Variants in CWC27 observed in about 807,000 individuals in gnomAD.
The protein encoded by CWC27 is spliceosome-associated protein CWC27 homolog.
CWC27 carries 47 observed loss-of-function variants against 63.6 expected under a neutral mutation model. That is an observed-to-expected ratio of 0.74 (90% CI 0.58 to 0.94). The LOEUF is 0.94. Among genes scored for constraint, CWC27 ranks in the 40% least tolerant of loss-of-function variants. The probability of loss-of-function intolerance (pLI) is 0.00; values close to 1 mark genes in which losing one functional copy is unlikely to be tolerated. For missense variants in CWC27, 495 were observed against 554.3 expected (o/e 0.89, Z 1.07); for synonymous variants, 175 against 179.8 (o/e 0.97, Z 0.22).
At chr5:64,978,814 A>C (rs1462145536) in intron 13 of CWC27, among the ~76,000 whole-genome samples, 1 of 152,152 alleles carries the variant, frequency 6.6e-6, no homozygotes, top group Non-Finnish European at 1.5e-5. Context: ...TTGTAAGAGC[A>C]GTTTGATGCC....
At chr5:64,865,133 A>C (rs1436030779) in intron 10 of CWC27, among the ~76,000 whole-genome samples, 5 of 152,112 alleles carry the variant, frequency 3.3e-5, no homozygotes, top group Non-Finnish European at 7.4e-5. Context: ...TAAAAAAAAA[A>C]AAACTTGGGG....
chr5:64,826,116 C>T (rs201494144), intron 10 of CWC27, among the ~76,000 whole-genome samples: 27 of 56,722 alleles, frequency 4.8e-4, no homozygotes, highest in South Asian at 4.4e-3. Flanking sequence ...TCTATCTATC[C>T]ATCCATCAAT....
At chr5:65,004,914 A>T (rs1749813474) in intron 13 of CWC27, among the ~76,000 whole-genome samples, 1 of 108,146 alleles carries the variant, frequency 9.2e-6, no homozygotes, top group African/African-American at 3.1e-5. Flanking sequence ...ATACATACAC[A>T]CACACACACA....
At chr5:64,913,354 T>C (rs2112381296) in intron 11 of CWC27, among the ~76,000 whole-genome samples, 1 of 152,170 alleles carries the variant, frequency 6.6e-6, no homozygotes, top group East Asian at 1.9e-4. Flanking sequence ...ATTATATTCA[T>C]AATGATTTAC....
At chr5:64,867,114 A>T (rs1003474625) in intron 10 of CWC27, among the ~76,000 whole-genome samples, 2 of 152,098 alleles carry the variant, frequency 1.3e-5, no homozygotes, top group Non-Finnish European at 2.9e-5. Flanking sequence ...AGATTTGTTC[A>T]AACTCCCAAC....
At chr5:64,882,566 A>G (rs1298772831) in intron 10 of CWC27, among the ~76,000 whole-genome samples, 3 of 152,086 alleles carry the variant, frequency 2.0e-5, no homozygotes, top group Non-Finnish European at 4.4e-5. Flanking sequence ...TAAGTATGTA[A>G]AAATTAATGT....
chr5:64,951,120 G>A (rs1268496986), intron 11 of CWC27, among the ~76,000 whole-genome samples: 1 of 151,734 alleles, frequency 6.6e-6, no homozygotes, highest in African/African-American at 2.4e-5. Flanking sequence ...TGATTTCTGG[G>A]TCATATGGTA....
At chr5:64,923,817 C>T (rs141441256) in intron 11 of CWC27, among the ~76,000 whole-genome samples, 15 of 151,728 alleles carry the variant, frequency 9.9e-5, no homozygotes, top group East Asian at 3.9e-4. Flanking sequence ...AAACCAGTAG[C>T]GACCCAAATT....
chr5:64,808,203 C>T (rs1744757387), intron 10 of CWC27: 1 of 1,004,008 alleles, frequency 1.0e-6, no homozygotes, highest in African/African-American at 1.7e-5. Context: ...AACAAGATCC[C>T]CAGGTGATTT....
At chr5:65,013,950 T>G (rs900050236) in intron 13 of CWC27, among the ~76,000 whole-genome samples, 6 of 152,246 alleles carry the variant, frequency 3.9e-5, no homozygotes, top group African/African-American at 1.4e-4. Flanking sequence ...TCTCTTGATA[T>G]TTCCCATTGA....
chr5:64,947,790 G>A (rs1191760417), intron 11 of CWC27, among the ~76,000 whole-genome samples: 2 of 151,940 alleles, frequency 1.3e-5, no homozygotes, highest in Admixed American at 1.3e-4. Context: ...TGGGGAGCAG[G>A]GAATATAAGA....
At chr5:64,782,663 G>A (rs1743742824) in intron 3 of CWC27, among the ~76,000 whole-genome samples, 1 of 152,048 alleles carries the variant, frequency 6.6e-6, no homozygotes, top group African/African-American at 2.4e-5. Flanking sequence ...CTTTGAATGA[G>A]TAAATATTGG....
chr5:64,978,311 G>A (rs1001106740), intron 13 of CWC27, among the ~76,000 whole-genome samples: 3 of 152,144 alleles, frequency 2.0e-5, no homozygotes, highest in Non-Finnish European at 4.4e-5. Flanking sequence ...ACCTAACCTA[G>A]GACCCTGAAA....
chr5:64,964,251 A>G (rs1748973529), intron 11 of CWC27, among the ~76,000 whole-genome samples: 1 of 152,196 alleles, frequency 6.6e-6, no homozygotes, highest in Admixed American at 6.5e-5. Context: ...ATATCTTGGC[A>G]TTTTATCTTA....
At chr5:64,918,298 G>T (rs1239480097) in intron 11 of CWC27, among the ~76,000 whole-genome samples, 2 of 152,048 alleles carry the variant, frequency 1.3e-5, no homozygotes, top group Non-Finnish European at 2.9e-5. Flanking sequence ...GGGAAGATGT[G>T]GTCAAAGGAT....
At chr5:64,942,413 G>T (rs1748500208) in intron 11 of CWC27, among the ~76,000 whole-genome samples, 2 of 143,628 alleles carry the variant, frequency 1.4e-5, no homozygotes, top group South Asian at 2.2e-4. Flanking sequence ...TCAAGCGTGG[G>T]TGACAGAGCA....
At chr5:64,844,945 GAGCCCAGCCTAC>G in intron 10 of CWC27, 1 of 456,674 alleles carries the variant, frequency 2.2e-6, no homozygotes, top group South Asian at 1.5e-5. Flanking sequence ...CCTAACCTTG[GAGCCCAGCCTAC>G]AGCCCGGCCC....
chr5:64,845,035 G>A (rs749800207), intron 10 of CWC27: 1 of 456,688 alleles, frequency 2.2e-6, no homozygotes, highest in South Asian at 1.5e-5. Flanking sequence ...CTGATGAGAA[G>A]CCATCACAGT....
At chr5:65,013,950 T>C (rs900050236) in intron 13 of CWC27, among the ~76,000 whole-genome samples, 1 of 152,128 alleles carries the variant, frequency 6.6e-6, no homozygotes, top group Non-Finnish European at 1.5e-5. Flanking sequence ...TCTCTTGATA[T>C]TTCCCATTGA....
Sources: gnomAD v4.1 joint callset for allele counts (sites outside exome capture counted in the v4.1 genomes callset) on GRCh38, gnomAD v4.1.1 for gene constraint, MANE v1.5 for transcripts, NCBI Gene and HGNC (gene_info 2026-07-23, HGNC 2026-07-21) for gene names.